QKI: variants seen among roughly 807,000 people sequenced by gnomAD.
The protein encoded by QKI is KH domain-containing RNA-binding protein QKI.
Under a neutral mutation model 39.0 loss-of-function variants are expected in QKI, and 10 were observed. The observed-to-expected ratio is 0.26, with a 90% CI of 0.16 to 0.43. The LOEUF is 0.43. Among genes scored for constraint, QKI ranks in the 20% least tolerant of loss-of-function variants. QKI has a pLI of 1.00. For missense variants in QKI, 218 were observed against 428.0 expected, an observed-to-expected ratio of 0.51 and a Z score of 4.33; for synonymous variants, 204 against 155.4, an observed-to-expected ratio of 1.31 and a Z score of -2.33.
At chr6:163,565,372 C>T (rs1016332464) in intron 6 of QKI, 23 of 986,180 alleles carry the variant, frequency 2.3e-5, no homozygotes, top group Admixed American at 6.1e-5. Context: ...AGCTGCTGTT[C>T]CAGCACTTTC....
chr6:163,492,251 C>G lies in QKI; in HGVS notation c.402+13355C>G, dbSNP rs76098487. On this transcript the variant is annotated intron_variant, in intron 3 of 7. Transcript: ENST00000361752. ...CATAAGCCTAGGGAGCCATCCTATTCTATCCTATTAGTTTTAGTTTTCTGT... is the reference window on the plus strand; with the variant it reads ...CATAAGCCTAGGGAGCCATCCTATTGTATCCTATTAGTTTTAGTTTTCTGT... Among the ~76,000 whole-genome samples the G allele has an allele frequency of 5.7e-3, 861 of 152,258 alleles. 23 individuals are homozygous for G. The East Asian group carries it at 0.085, about 15-fold the overall frequency.
At chr6:163,552,033 A>G (rs1782261407) in intron 4 of QKI, among the ~76,000 whole-genome samples, 1 of 152,184 alleles carries the variant, frequency 6.6e-6, no homozygotes, top group African/African-American at 2.4e-5. Context: ...GTTGACAGGA[A>G]GCATTACTGG....
Position 163,570,782 on chromosome 6 carries a change from C to G in QKI, c.*72C>G, listed in dbSNP as rs1480488414. 6.3e-7 allele frequency: 1 copy of G among 1,579,190 alleles called. No individual in the cohort carries two copies. Among genetic ancestry groups the G allele is most frequent in the Non-Finnish European group, 8.6e-7 (1 of 1,159,110 alleles). ...CCATGCCTGCCTGCTGATCAGTTAA[C>G]TGGTAATCGCCTTTGCTTGCCTGTC... On this transcript the variant is annotated 3_prime_UTR_variant, in exon 8 of 8. Coordinates refer to ENST00000361752, the MANE Select transcript of QKI (RefSeq NM_006775.3).
intron 1 of QKI, among the ~76,000 whole-genome samples, chr6:163,434,999 G>A (rs539509201): frequency 3.2e-4 from 49 of 152,068 alleles, no homozygotes; most frequent in African/African-American, 1.1e-3. Context: ...AATAAAAGAT[G>A]GGTACTTAAT....
chr6:163,455,367 A>T lies in QKI; in HGVS notation c.231A>T (p.Gly77=). ...KRSAELPDAV[G]PIVQLQEKLY... is the part of the protein sequence containing the mutation. ...GTGCAGAATTGCCTGATGCTGTGGG[A>T]CCTATTGTTCAGTTACAAGAGAAAC... The change falls in exon 2 of 8, where the codon GGA becomes GGT. Residue 77 remains glycine (G), a synonymous_variant. Coordinates refer to ENST00000361752, the MANE Select transcript of QKI (RefSeq NM_006775.3). The T allele has an allele frequency of 6.2e-7, 1 of 1,612,928 alleles. No individual in the cohort carries two copies. Among genetic ancestry groups the T allele is most frequent in the Non-Finnish European group, 8.5e-7 (1 of 1,178,968 alleles).
rs1407774291 is a variant in QKI, at chr6:163,568,533, T to TA, written c.1009+1739dup. ...TTTAGTAACAGAGTACTCGTATACT[T>TA]ATCACTGTATGCACTCATTGGGTCT... On this transcript the variant is annotated intron_variant, in intron 7 of 7. Coordinates refer to ENST00000361752, the MANE Select transcript of QKI (RefSeq NM_006775.3). 8.1e-6 allele frequency: 8 copies of TA among 981,960 alleles called. No individual in the cohort carries two copies. The East Asian group carries it at 7.9e-4, about 98-fold the overall frequency. The allele number at this position is 981,960 out of a possible 1,614,324, so 60.8% of individuals were successfully genotyped here.
At chr6:163,539,763 T>C (rs1190428997) in intron 4 of QKI, among the ~76,000 whole-genome samples, 2 of 152,222 alleles carry the variant, frequency 1.3e-5, no homozygotes. Flanking sequence ...AATTTCTAAG[T>C]TGCCTTCCAG....
At chr6:163,484,413 C>T (rs573179110) in intron 3 of QKI, among the ~76,000 whole-genome samples, 73 of 152,228 alleles carry the variant, frequency 4.8e-4, no homozygotes, top group African/African-American at 1.6e-3. Context: ...GTTGGCCAGG[C>T]TAGTCTCGAA....
At chr6:163,498,210 A>G (rs1031311757) in intron 3 of QKI, among the ~76,000 whole-genome samples, 18 of 150,346 alleles carry the variant, frequency 1.2e-4, no homozygotes, top group African/African-American at 4.2e-4. Context: ...AAAAAAATGT[A>G]TATGTGGAAG....
chr6:163,441,220 A>C (rs920458212), intron 1 of QKI, among the ~76,000 whole-genome samples: 2 of 152,178 alleles, frequency 1.3e-5, no homozygotes, highest in Non-Finnish European at 2.9e-5. Flanking sequence ...TTTAGCATTG[A>C]TGTAATGAAC....
chr6:163,489,424 CTGTGTGTGTGTGTG>C (rs66826538), intron 3 of QKI, among the ~76,000 whole-genome samples: 48 of 149,016 alleles, frequency 3.2e-4, no homozygotes, highest in Non-Finnish European at 4.3e-4. Flanking sequence ...AGAAGTTATG[CTGTGTGTGTGTGTG>C]TGTGTGTGTG....
At chr6:163,566,051 A>G (rs1783345116) in intron 6 of QKI, 3 of 1,582,708 alleles carry the variant, frequency 1.9e-6, no homozygotes, top group African/African-American at 2.7e-5. Flanking sequence ...TCCGGGGGAA[A>G]AAAGCTTAGC....
intron 1 of QKI, among the ~76,000 whole-genome samples, chr6:163,430,315 C>T (rs1349405283): frequency 6.6e-6 from 1 of 152,002 alleles, no homozygotes; most frequent in Non-Finnish European, 1.5e-5. Context: ...TCCTTCTCTT[C>T]CCTTCATTTT....
chr6:163,475,252 T>C (rs1403110348), intron 2 of QKI, among the ~76,000 whole-genome samples: 5 of 152,202 alleles, frequency 3.3e-5, no homozygotes, highest in Non-Finnish European at 2.9e-5. Flanking sequence ...ATCCTCAGGT[T>C]CCACATCTGT....
intron 1 of QKI, among the ~76,000 whole-genome samples, chr6:163,449,278 C>A (rs2759393): frequency 0.22 from 32,907 of 151,942 alleles, 3,724 homozygotes; most frequent in Middle Eastern, 0.26. Flanking sequence ...ATATACTTGT[C>A]GTTTTACTGA....
intron 3 of QKI, among the ~76,000 whole-genome samples, chr6:163,513,364 C>G (rs1431967372): frequency 6.6e-6 from 1 of 152,098 alleles, no homozygotes; most frequent in Non-Finnish European, 1.5e-5. Context: ...GTATCACCAA[C>G]TTGGTGATAC....
At chr6:163,459,951 G>C (rs758220149) in intron 2 of QKI, among the ~76,000 whole-genome samples, 1 of 152,168 alleles carries the variant, frequency 6.6e-6, no homozygotes, top group Non-Finnish European at 1.5e-5. Context: ...ATTATGAATA[G>C]AGTTAACTGA....
chr6:163,430,408 C>T (rs573971354), intron 1 of QKI, among the ~76,000 whole-genome samples: 1 of 152,072 alleles, frequency 6.6e-6, no homozygotes, highest in Non-Finnish European at 1.5e-5. Flanking sequence ...TTAATTTTAA[C>T]TATTGTTTAT....
chr6:163,522,297 GC>G (rs1780211328), intron 3 of QKI, among the ~76,000 whole-genome samples: 1 of 152,074 alleles, frequency 6.6e-6, no homozygotes, highest in South Asian at 2.1e-4. Context: ...CTGTTCACTT[GC>G]CTGTCATAAA....
Sources: gnomAD v4.1 joint callset for allele counts (sites outside exome capture counted in the v4.1 genomes callset) on GRCh38, gnomAD v4.1.1 for gene constraint, MANE v1.5 for transcripts, NCBI Gene and HGNC (gene_info 2026-07-23, HGNC 2026-07-21) for gene names.